TNFSF4: variants seen among roughly 807,000 people sequenced by gnomAD.
TNFSF4 encodes TNF superfamily member 4.
Under a neutral mutation model 7.3 loss-of-function variants are expected in TNFSF4, and 4 were observed. That is an observed-to-expected ratio of 0.55 (90% CI 0.27 to 1.25). The LOEUF (loss-of-function observed/expected upper bound fraction) is 1.25. TNFSF4 is among the 50% of genes most tolerant of loss of function. The pLI is 0.12. For missense variants in TNFSF4, 181 were observed against 208.8 expected, an observed-to-expected ratio of 0.87 and a Z score of 0.82; for synonymous variants, 76 against 83.7, an observed-to-expected ratio of 0.91 and a Z score of 0.50.
the TNFSF4 span, among the ~76,000 whole-genome samples, chr1:173,218,551 C>T: frequency 1.1e-4 from 17 of 151,948 alleles, no homozygotes; most frequent in Non-Finnish European, 2.5e-4. Context: ...GTTACTATGA[C>T]CCAGTCTTCC....
chr1:173,267,823 G>A, the TNFSF4 span, among the ~76,000 whole-genome samples: 15 of 151,796 alleles, frequency 9.9e-5, no homozygotes, highest in African/African-American at 2.2e-4. Flanking sequence ...CAAGAAAGGA[G>A]AGGAGAGGAA....
chr1:173,436,959 G>A, the TNFSF4 span, among the ~76,000 whole-genome samples: 42 of 152,320 alleles, frequency 2.8e-4, 1 homozygote, highest in East Asian at 4.0e-3. Flanking sequence ...AATGCCCAGC[G>A]TGTTATGAGT....
the TNFSF4 span, among the ~76,000 whole-genome samples, chr1:173,423,039 G>A: frequency 2.0e-5 from 3 of 151,804 alleles, no homozygotes; most frequent in African/African-American, 7.2e-5. Flanking sequence ...TGAGATCTCG[G>A]CTTACTGCAA....
chr1:173,392,524 A>T, the TNFSF4 span, among the ~76,000 whole-genome samples: 10 of 152,332 alleles, frequency 6.6e-5, no homozygotes, highest in East Asian at 1.9e-3. Flanking sequence ...TATTACTAAC[A>T]GCTTAAGTCC....
intron 1 of TNFSF4, among the ~76,000 whole-genome samples, chr1:173,201,981 T>C (rs527237260): frequency 6.6e-6 from 1 of 152,078 alleles, no homozygotes; most frequent in East Asian, 1.9e-4. Context: ...GGATTAACTT[T>C]CATTTTCCAT....
chr1:173,420,213 CA>C, the TNFSF4 span, among the ~76,000 whole-genome samples: 16 of 146,746 alleles, frequency 1.1e-4, no homozygotes, highest in South Asian at 2.2e-4. Context: ...AACAAACAAA[CA>C]AAAAAAAAAG....
downstream of TNFSF4, chr1:173,183,630 A>G (rs1649100820): frequency 6.6e-6 from 1 of 152,156 alleles, no homozygotes; most frequent in Admixed American, 6.5e-5. Context: ...GGAGGCAAGT[A>G]GGAAACTGGA....
chr1:173,413,630 G>A, the TNFSF4 span, among the ~76,000 whole-genome samples: 1 of 152,178 alleles, frequency 6.6e-6, no homozygotes, highest in Non-Finnish European at 1.5e-5. Context: ...AGAGGAGCGA[G>A]CAGCAGCAGC....
chr1:173,399,832 T>A, the TNFSF4 span, among the ~76,000 whole-genome samples: 2 of 152,244 alleles, frequency 1.3e-5, no homozygotes, highest in East Asian at 3.9e-4. Flanking sequence ...AACATAGACT[T>A]CCATCAACAT....
the TNFSF4 span, among the ~76,000 whole-genome samples, chr1:173,428,900 G>A: frequency 2.0e-5 from 3 of 152,086 alleles, no homozygotes; most frequent in East Asian, 1.9e-4. Context: ...CCAGCTATTC[G>A]GGAGTCTGAG....
the TNFSF4 span, among the ~76,000 whole-genome samples, chr1:173,394,939 T>C: frequency 2.3e-4 from 34 of 149,868 alleles, no homozygotes; most frequent in Middle Eastern, 3.4e-3. Flanking sequence ...GATAGATAGA[T>C]AGATAGACAG....
At chr1:173,345,562 A>G in the TNFSF4 span, among the ~76,000 whole-genome samples, 9 of 152,242 alleles carry the variant, frequency 5.9e-5, no homozygotes, top group African/African-American at 2.2e-4. Context: ...CTGATTTGAT[A>G]AGACTTGCTG....
intron 1 of TNFSF4, among the ~76,000 whole-genome samples, chr1:173,196,354 G>A (rs984798665): frequency 2.0e-5 from 3 of 152,162 alleles, no homozygotes; most frequent in African/African-American, 7.2e-5. Flanking sequence ...ACAAAGAAAA[G>A]CCATTTTAAC....
chr1:173,434,325 T>A, the TNFSF4 span, among the ~76,000 whole-genome samples: 1 of 152,252 alleles, frequency 6.6e-6, no homozygotes, highest in South Asian at 2.1e-4. Context: ...TTTGTCCCTA[T>A]TGAACCTCAT....
the TNFSF4 span, among the ~76,000 whole-genome samples, chr1:173,374,570 G>A: frequency 6.6e-6 from 1 of 152,136 alleles, no homozygotes; most frequent in Non-Finnish European, 1.5e-5. Context: ...TATTTTGGAA[G>A]GAAATATCCC....
chr1:173,431,844 G>A, the TNFSF4 span, among the ~76,000 whole-genome samples: 1 of 152,074 alleles, frequency 6.6e-6, no homozygotes, highest in Non-Finnish European at 1.5e-5. Context: ...TACTTCCTCA[G>A]CAGATGAGTT....
At chr1:173,246,843 C>G in the TNFSF4 span, among the ~76,000 whole-genome samples, 3 of 152,228 alleles carry the variant, frequency 2.0e-5, no homozygotes, top group African/African-American at 4.8e-5. Flanking sequence ...GTTAGTCTCT[C>G]TGGGTCTTCT....
At chr1:173,365,651 C>G in the TNFSF4 span, among the ~76,000 whole-genome samples, 2 of 152,142 alleles carry the variant, frequency 1.3e-5, no homozygotes, top group African/African-American at 4.8e-5. Context: ...TGTGTCAAAT[C>G]AGCAAGAAAT....
chr1:173,290,505 A>G, the TNFSF4 span, among the ~76,000 whole-genome samples: 2 of 152,344 alleles, frequency 1.3e-5, no homozygotes, highest in Admixed American at 6.5e-5. Flanking sequence ...AGGGCATTAC[A>G]TAATGATAAA....
Sources: gnomAD v4.1 joint callset for allele counts (sites outside exome capture counted in the v4.1 genomes callset) on GRCh38, gnomAD v4.1.1 for gene constraint, MANE v1.5 for transcripts, NCBI Gene and HGNC (gene_info 2026-07-23, HGNC 2026-07-21) for gene names.